Variants in CXCL13 observed in about 807,000 individuals in gnomAD.
The protein encoded by CXCL13 is C-X-C motif chemokine 13.
In CXCL13, 7 loss-of-function variants were observed where a neutral mutation model predicts 12.2. The observed-to-expected ratio is 0.57, with a 90% CI of 0.33 to 1.07. The LOEUF is 1.07. Among genes scored for constraint, CXCL13 ranks in the 50% least tolerant of loss-of-function variants. CXCL13 has a pLI of 0.04. For missense variants in CXCL13, 113 were observed against 127.4 expected, an observed-to-expected ratio of 0.89 and a Z score of 0.55; for synonymous variants, 47 against 42.4, an observed-to-expected ratio of 1.11 and a Z score of -0.42.
At chr4:77,530,479 C>G (rs1578039004) in intron 1 of CXCL13, among the ~76,000 whole-genome samples, 1 of 152,094 alleles carries the variant, frequency 6.6e-6, no homozygotes, top group Non-Finnish European at 1.5e-5. Flanking sequence ...TTCAGAGATT[C>G]AATTTCTTCC....
intron 1 of CXCL13, among the ~76,000 whole-genome samples, chr4:77,518,374 A>G (rs1034212387): frequency 2.0e-5 from 3 of 152,122 alleles, no homozygotes; most frequent in Non-Finnish European, 4.4e-5. Context: ...CTCCTGGATA[A>G]TATCCTGCAG....
At chr4:77,532,268 C>G (rs1724946587) in intron 1 of CXCL13, among the ~76,000 whole-genome samples, 1 of 152,240 alleles carries the variant, frequency 6.6e-6, no homozygotes, top group East Asian at 1.9e-4. Flanking sequence ...TCAGCATTTG[C>G]TTGTCTGTAA....
At position 77,544,738 on chromosome 4, in the gene CXCL13, C is replaced by A. The variant is rs577965137; in HGVS notation, c.-43+32950C>A. On this transcript the variant is annotated intron_variant, in intron 1 of 4. Coordinates refer to the CXCL13 transcript ENST00000286758. ...GGTAGTTTCTTTTGCTGTTCAGAAG[C>A]TCTTTAGTTTAATTAGATCTCATTT... 1.1e-3 allele frequency among the ~76,000 whole-genome samples: 164 copies of A among 152,288 alleles called. 1 individual carries two copies. Among genetic ancestry groups the A allele is most frequent in the African/African-American group, 3.8e-3 (158 of 41,560 alleles).
intron 1 of CXCL13, among the ~76,000 whole-genome samples, chr4:77,570,750 T>TTGCTG (rs1560529310): frequency 6.7e-6 from 1 of 150,184 alleles, no homozygotes; most frequent in African/African-American, 2.5e-5. Context: ...GGTGGTCCTA[T>TTGCTG]AGTCAGAGCG....
chr4:77,556,137 G>T (rs983629677), intron 1 of CXCL13, among the ~76,000 whole-genome samples: 12 of 152,258 alleles, frequency 7.9e-5, no homozygotes, highest in Admixed American at 1.3e-4. Context: ...CATCCATTCA[G>T]AGACTTATAC....
Position 77,532,854 on chromosome 4 carries a change from T to C in CXCL13, c.-43+21066T>C, listed in dbSNP as rs1167243445. Among the ~76,000 whole-genome samples, 3 of 152,220 alleles carry C rather than the reference T, an allele frequency of 2.0e-5. No individual in the cohort carries two copies. In the East Asian group the frequency reaches 5.8e-4, roughly 29 times the overall value. On this transcript the variant is annotated intron_variant, in intron 1 of 4. Coordinates refer to the CXCL13 transcript ENST00000286758. ...CAATCAAGTCGGCTACTGAGGCTTG[T>C]GTATTCATCATGTAGTTCTCATGCC...
At chr4:77,522,920 T>G (rs1216248164) in intron 1 of CXCL13, among the ~76,000 whole-genome samples, 1 of 152,202 alleles carries the variant, frequency 6.6e-6, no homozygotes, top group Non-Finnish European at 1.5e-5. Flanking sequence ...ACAAAATCTC[T>G]CAGCATTTGC....
At chr4:77,577,894 T>A (rs1726232844) in intron 1 of CXCL13, among the ~76,000 whole-genome samples, 1 of 152,124 alleles carries the variant, frequency 6.6e-6, no homozygotes, top group African/African-American at 2.4e-5. Flanking sequence ...CCCCTGGGAC[T>A]CCTTTGAAAA....
intron 1 of CXCL13, among the ~76,000 whole-genome samples, chr4:77,588,606 G>C (rs545231654): frequency 1.3e-5 from 2 of 152,190 alleles, no homozygotes; most frequent in South Asian, 2.1e-4. Flanking sequence ...CAACAGTGGA[G>C]CTTCTCTCCA....
intron 1 of CXCL13, among the ~76,000 whole-genome samples, chr4:77,593,487 A>T (rs576235092): frequency 4.6e-5 from 7 of 152,354 alleles, no homozygotes; most frequent in African/African-American, 1.2e-4. Context: ...TGGTCAACTC[A>T]TGTGGCTTTG....
At chr4:77,581,009 C>T (rs1206169651) in intron 1 of CXCL13, among the ~76,000 whole-genome samples, 1 of 151,578 alleles carries the variant, frequency 6.6e-6, no homozygotes, top group Non-Finnish European at 1.5e-5. Flanking sequence ...CAGAAGACTA[C>T]ATTTTACACA....
At chr4:77,525,000 A>G (rs1724724653) in intron 1 of CXCL13, among the ~76,000 whole-genome samples, 1 of 152,236 alleles carries the variant, frequency 6.6e-6, no homozygotes, top group Non-Finnish European at 1.5e-5. Context: ...TCCCCAATGC[A>G]ACAGTGTTGG....
At chr4:77,589,956 A>G (rs1185489356) in intron 1 of CXCL13, among the ~76,000 whole-genome samples, 1 of 152,146 alleles carries the variant, frequency 6.6e-6, no homozygotes, top group Non-Finnish European at 1.5e-5. Context: ...CCAAACACCT[A>G]CATATACATT....
At chr4:77,523,373 T>A (rs1449981478) in intron 1 of CXCL13, among the ~76,000 whole-genome samples, 1 of 152,192 alleles carries the variant, frequency 6.6e-6, no homozygotes, top group African/African-American at 2.4e-5. Flanking sequence ...GGTCTTTTCA[T>A]AGAGTCGCAT....
intron 1 of CXCL13, among the ~76,000 whole-genome samples, chr4:77,514,798 C>A (rs964701954): frequency 2.6e-5 from 4 of 152,056 alleles, no homozygotes; most frequent in Admixed American, 6.6e-5. Flanking sequence ...TGTGCAGAAG[C>A]TCTTTAGTTT....
At chr4:77,522,329 G>A (rs376880546) in intron 1 of CXCL13, among the ~76,000 whole-genome samples, 1 of 151,912 alleles carries the variant, frequency 6.6e-6, no homozygotes, top group Non-Finnish European at 1.5e-5. Context: ...AAGTCTCTTT[G>A]TAGGTCTCTA....
At chr4:77,532,253 A>G (rs1329224696) in intron 1 of CXCL13, among the ~76,000 whole-genome samples, 2 of 152,118 alleles carry the variant, frequency 1.3e-5, no homozygotes, top group Admixed American at 6.6e-5. Flanking sequence ...TGGTGACAAA[A>G]TCTCTCAGCA....
chr4:77,544,873 G>A (rs1398539429), intron 1 of CXCL13, among the ~76,000 whole-genome samples: 3 of 152,138 alleles, frequency 2.0e-5, no homozygotes, highest in Non-Finnish European at 2.9e-5. Context: ...GGTTTTTATG[G>A]TTTTAGGTCT....
intron 1 of CXCL13, among the ~76,000 whole-genome samples, chr4:77,529,238 C>T (rs945129980): frequency 6.6e-6 from 1 of 152,118 alleles, no homozygotes; most frequent in African/African-American, 2.4e-5. Flanking sequence ...GTTCTTTTGG[C>T]TTAGGATTGA....
Sources: allele counts gnomAD v4.1 joint callset (sites outside exome capture counted in the v4.1 genomes callset), GRCh38; gene constraint gnomAD v4.1.1; transcripts MANE v1.5; gene names NCBI Gene and HGNC (gene_info 2026-07-23, HGNC 2026-07-21).